Variants in NCAM2 observed in about 807,000 individuals in gnomAD.
The protein encoded by NCAM2 is N-CAM-2.
In NCAM2, 30 loss-of-function variants were observed where a neutral mutation model predicts 98.1. The observed-to-expected ratio is 0.31, with a 90% CI of 0.23 to 0.41. NCAM2 has a LOEUF of 0.41. NCAM2 is among the 10% of genes least tolerant of loss of function. The probability of loss-of-function intolerance (pLI) is 1.00; values close to 1 mark genes in which losing one functional copy is unlikely to be tolerated. For synonymous variants in NCAM2, 368 were observed against 342.4 expected (o/e 1.07, Z -0.83); for missense variants, 867 against 1,005.8 (o/e 0.86, Z 1.87).
At chr21:21,076,189 T>C (rs966152287) in intron 1 of NCAM2, among the ~76,000 whole-genome samples, 3 of 152,042 alleles carry the variant, frequency 2.0e-5, no homozygotes, top group Admixed American at 6.6e-5. Flanking sequence ...ATTTATATTA[T>C]AAGGGAAATG....
chr21:20,999,199 A>G lies in NCAM2; in HGVS notation c.55+581A>G, dbSNP rs150965636. On this transcript the variant is annotated intron_variant, in intron 1 of 17. Transcript: ENST00000400546. ...GTGGATATTGTGTGTAAGAAAGCAA[A>G]TGGATAAAACTAGGGATGTGTTGCA... is the stretch of plus-strand genomic sequence containing the variant. Among the ~76,000 whole-genome samples the G allele has an allele frequency of 2.6e-5, 4 of 152,272 alleles. No homozygotes were observed. In the East Asian group the frequency reaches 7.7e-4, roughly 29 times the overall value.
At chr21:21,135,508 A>G (rs1310875508) in intron 1 of NCAM2, among the ~76,000 whole-genome samples, 1 of 152,190 alleles carries the variant, frequency 6.6e-6, no homozygotes, top group African/African-American at 2.4e-5. Flanking sequence ...AGTGAATGTG[A>G]CAGTCTTAGC....
At position 21,244,602 on chromosome 21, in the gene NCAM2, A is replaced by T. The variant is rs79070265; in HGVS notation, c.56-35976A>T. ...GGTGGCTCATGCCTGTAATCCCAGCACTTTGGGAGGCTGAGGCAGTTGGAT... is the reference window on the plus strand; with the variant it reads ...GGTGGCTCATGCCTGTAATCCCAGCTCTTTGGGAGGCTGAGGCAGTTGGAT... On this transcript the variant is annotated intron_variant, in intron 1 of 17. Transcript: ENST00000400546. Among the ~76,000 whole-genome samples the T allele has an allele frequency of 5.3e-5, 8 of 152,020 alleles. No individual in the cohort carries two copies. In the East Asian group the frequency reaches 1.6e-3, roughly 29 times the overall value.
intron 9 of NCAM2, among the ~76,000 whole-genome samples, chr21:21,386,942 T>G (rs1476993471): frequency 6.6e-6 from 1 of 152,214 alleles, no homozygotes; most frequent in Non-Finnish European, 1.5e-5. Context: ...CCTTGCTTTC[T>G]GTCCTTTCTC....
At chr21:21,279,397 T>C (rs2072845410) in intron 1 of NCAM2, among the ~76,000 whole-genome samples, 1 of 152,152 alleles carries the variant, frequency 6.6e-6, no homozygotes, top group Non-Finnish European at 1.5e-5. Context: ...TTCACTCTTG[T>C]TGCCAGGCTG....
intron 1 of NCAM2, among the ~76,000 whole-genome samples, chr21:21,272,189 T>A (rs2072527439): frequency 1.3e-5 from 2 of 152,200 alleles, no homozygotes; most frequent in South Asian, 4.1e-4. Context: ...CATATTAGAC[T>A]GCCATAGTCC....
chr21:21,155,513 T>G (rs1045670839), intron 1 of NCAM2, among the ~76,000 whole-genome samples: 17 of 151,892 alleles, frequency 1.1e-4, no homozygotes, highest in African/African-American at 3.9e-4. Context: ...CACATCACTA[T>G]GACTAGCATA....
intron 1 of NCAM2, among the ~76,000 whole-genome samples, chr21:21,138,486 A>G (rs993319368): frequency 2.0e-5 from 3 of 152,024 alleles, no homozygotes; most frequent in Non-Finnish European, 2.9e-5. Context: ...TTATTTGCCT[A>G]CTACACAGTA....
chr21:21,301,843 CA>C (rs1011084028), intron 5 of NCAM2, among the ~76,000 whole-genome samples: 12 of 148,232 alleles, frequency 8.1e-5, no homozygotes, highest in East Asian at 6.0e-4. Flanking sequence ...TTTATGCAGC[CA>C]AAAAATACAT....
chr21:21,086,474 A>G (rs1046187482), intron 1 of NCAM2, among the ~76,000 whole-genome samples: 1 of 152,190 alleles, frequency 6.6e-6, no homozygotes, highest in Non-Finnish European at 1.5e-5. Context: ...TACAGAAGAC[A>G]TCTGTTCAAA....
chr21:21,250,754 G>A (rs1325489616), intron 1 of NCAM2, among the ~76,000 whole-genome samples: 3 of 152,084 alleles, frequency 2.0e-5, no homozygotes, highest in Non-Finnish European at 4.4e-5. Flanking sequence ...AATTTCAACT[G>A]CAAACTTTCA....
intron 5 of NCAM2, among the ~76,000 whole-genome samples, chr21:21,298,098 T>C (rs1001691014): frequency 6.6e-6 from 1 of 151,830 alleles, no homozygotes; most frequent in Non-Finnish European, 1.5e-5. Flanking sequence ...GCAGTAATTT[T>C]TGTATTCCTA....
intron 1 of NCAM2, among the ~76,000 whole-genome samples, chr21:21,212,976 A>T (rs1031819493): frequency 6.6e-6 from 1 of 151,924 alleles, no homozygotes; most frequent in Non-Finnish European, 1.5e-5. Context: ...TCCTGACCTC[A>T]TGATCCGCCC....
At chr21:21,149,712 G>C (rs1444591317) in intron 1 of NCAM2, among the ~76,000 whole-genome samples, 1 of 152,048 alleles carries the variant, frequency 6.6e-6, no homozygotes, top group Non-Finnish European at 1.5e-5. Flanking sequence ...ATGGCTTCCA[G>C]CTTCATCCAT....
intron 12 of NCAM2, among the ~76,000 whole-genome samples, chr21:21,432,667 C>A (rs1309973969): frequency 1.3e-5 from 2 of 151,666 alleles, no homozygotes; most frequent in African/African-American, 4.8e-5. Flanking sequence ...AATGTAGTTA[C>A]CTTCTATACT....
chr21:21,215,474 C>T (rs889843258), intron 1 of NCAM2, among the ~76,000 whole-genome samples: 5 of 152,136 alleles, frequency 3.3e-5, no homozygotes, highest in Non-Finnish European at 7.4e-5. Flanking sequence ...AATCCCAGCA[C>T]TTTGGAGGCC....
In NCAM2 at chr21:21,542,430, A is replaced by G. The variant is rs923201551; in HGVS notation, c.*4473A>G. On this transcript the variant is annotated 3_prime_UTR_variant, in exon 18 of 18. Coordinates refer to ENST00000400546, the MANE Select transcript of NCAM2 (RefSeq NM_004540.5). ...TAACATAAATATATTATTTGTTATTACCTCTTTAAATTTTCATTTTATACA... is the reference window on the plus strand; with the variant it reads ...TAACATAAATATATTATTTGTTATTGCCTCTTTAAATTTTCATTTTATACA... 6.6e-6 allele frequency: 1 copy of G among 151,866 alleles called. No individual in the cohort carries two copies. The highest frequency in any genetic ancestry group is 1.5e-5 in the Non-Finnish European group (1 of 67,846). The allele number at this position is 151,866 out of a possible 1,614,324, so 9.4% of individuals were successfully genotyped here. A position where few individuals can be genotyped will look rare whatever the true frequency, so the allele number is the denominator to read the frequency against.
chr21:21,333,679 C>T (rs529825280), intron 6 of NCAM2, among the ~76,000 whole-genome samples: 40 of 152,080 alleles, frequency 2.6e-4, no homozygotes, highest in Middle Eastern at 3.4e-3. Flanking sequence ...TACTGTAGTT[C>T]TCTGATTTTG....
At chr21:21,380,861 G>A (rs765001467) in intron 9 of NCAM2, among the ~76,000 whole-genome samples, 4 of 152,076 alleles carry the variant, frequency 2.6e-5, no homozygotes, top group South Asian at 4.1e-4. Flanking sequence ...TCTCCCTCCC[G>A]TTTGTGTCTT....
Sources: gnomAD v4.1 joint callset for allele counts (sites outside exome capture counted in the v4.1 genomes callset) on GRCh38, gnomAD v4.1.1 for gene constraint, MANE v1.5 for transcripts, NCBI Gene and HGNC (gene_info 2026-07-23, HGNC 2026-07-21) for gene names.